PTPN3: variants seen among roughly 807,000 people sequenced by gnomAD.
PTPN3 encodes protein tyrosine phosphatase non-receptor type 3, also known as tyrosine-protein phosphatase non-receptor type 3.
A neutral mutation model predicts 132.7 loss-of-function variants in PTPN3; 96 were observed. The ratio of observed to expected loss-of-function variants is 0.72; its 90% confidence interval spans 0.61 to 0.86. The LOEUF (loss-of-function observed/expected upper bound fraction) is 0.86. Ranked by LOEUF, PTPN3 falls within the 40% of genes least tolerant of loss-of-function variation. The probability of loss-of-function intolerance (pLI) is 0.00; values close to 1 mark genes in which losing one functional copy is unlikely to be tolerated. For synonymous variants in PTPN3, 398 were observed against 429.0 expected (o/e 0.93, Z 0.89); for missense variants, 1,125 against 1,159.6 (o/e 0.97, Z 0.43).
chr9:109,506,261 G>A, the PTPN3 span, among the ~76,000 whole-genome samples: 1 of 152,152 alleles, frequency 6.6e-6, no homozygotes, highest in Non-Finnish European at 1.5e-5. Context: ...GCAGTAATAG[G>A]GATAGTAGTG....
chr9:109,493,479 GC>G (rs1847547925), intron 1 of PTPN3, among the ~76,000 whole-genome samples: 1 of 152,200 alleles, frequency 6.6e-6, no homozygotes, highest in African/African-American at 2.4e-5. Context: ...TTTACTAAAA[GC>G]TTGTGTATCC....
upstream of PTPN3, among the ~76,000 whole-genome samples, chr9:109,502,134 C>T (rs887288504): frequency 5.3e-5 from 8 of 152,190 alleles, no homozygotes; most frequent in African/African-American, 1.9e-4. Flanking sequence ...AAGAGATGAA[C>T]ATCTAAACAT....
chr9:109,442,392 T>C (rs1289653781), intron 7 of PTPN3, among the ~76,000 whole-genome samples: 1 of 152,140 alleles, frequency 6.6e-6, no homozygotes, highest in Non-Finnish European at 1.5e-5. Flanking sequence ...ATATATATAT[T>C]TATTGAGGGT....
Position 109,438,063 on chromosome 9 carries a change from T to C in PTPN3, c.587+51A>G, listed in dbSNP as rs543572886. 8 of 1,563,984 alleles carry C rather than the reference T, an allele frequency of 5.1e-6. No homozygotes were observed. In the Admixed American group the frequency reaches 1.6e-4, roughly 30 times the overall value. On this transcript the variant is annotated intron_variant, in intron 8 of 25. Transcript: ENST00000374541. ...ATCAAACACAAAGGGATATGATGTC[T>C]GAAAATACCCAACCCAAGTCCCCAA... is the stretch of plus-strand genomic sequence containing the variant.
chr9:109,385,153 C>G (rs772895828), intron 22 of PTPN3, among the ~76,000 whole-genome samples: 12 of 152,208 alleles, frequency 7.9e-5, no homozygotes, highest in Non-Finnish European at 1.5e-4. Flanking sequence ...CACAGTGAAT[C>G]TGAGCAGTAC....
chr9:109,433,919 A>AC (rs1564437129), intron 9 of PTPN3, among the ~76,000 whole-genome samples: 3 of 59,828 alleles, frequency 5.0e-5, no homozygotes, highest in African/African-American at 3.5e-4. Context: ...CTCTGTTTAA[A>AC]AAAAAAAAAA....
chr9:109,520,222 T>G, the PTPN3 span, among the ~76,000 whole-genome samples: 2 of 151,994 alleles, frequency 1.3e-5, no homozygotes, highest in South Asian at 4.2e-4. Flanking sequence ...TACCTAGATT[T>G]ATCTAGAGCC....
At position 109,457,213 on chromosome 9, in the gene PTPN3, T is replaced by C; in HGVS notation, c.249A>G (p.Arg83=). The change falls in exon 4 of 26, where the codon AGA becomes AGG. Residue 83 remains arginine, a splice_region_variant and synonymous_variant. Coordinates refer to ENST00000374541, the MANE Select transcript of PTPN3 (RefSeq NM_002829.4). ...QHDDDSVDSP[R]WLEASKAIRK... ...TGATGGCTTTGCTTGCTTCCAGCCA[T>C]CTCTGTTGGACAAGAAAACATAAAA... 1 of 1,614,000 alleles carries C rather than the reference T, an allele frequency of 6.2e-7. No homozygotes were observed. Among genetic ancestry groups the C allele is most frequent in the Non-Finnish European group, 8.5e-7 (1 of 1,179,926 alleles).
At chr9:109,523,945 C>T in the PTPN3 span, among the ~76,000 whole-genome samples, 2 of 152,040 alleles carry the variant, frequency 1.3e-5, no homozygotes, top group Non-Finnish European at 2.9e-5. Flanking sequence ...CTACTTGGTC[C>T]AATGACAATA....
At chr9:109,535,397 C>T in the PTPN3 span, among the ~76,000 whole-genome samples, 1 of 152,242 alleles carries the variant, frequency 6.6e-6, no homozygotes, top group Non-Finnish European at 1.5e-5. Flanking sequence ...AAAATCCTTA[C>T]TAGCTCTCCC....
At chr9:109,463,517 T>A in intron 1 of PTPN3, 66 bp from the exon 2 acceptor site, 1 of 1,444,524 alleles carries the variant, frequency 6.9e-7, no homozygotes, top group Non-Finnish European at 9.5e-7. Flanking sequence ...TGAGTGCAGA[T>A]ACCTGTCAGA....
At chr9:109,536,292 A>C in the PTPN3 span, among the ~76,000 whole-genome samples, 1 of 152,076 alleles carries the variant, frequency 6.6e-6, no homozygotes, top group Non-Finnish European at 1.5e-5. Context: ...GGTTGTTTCT[A>C]CCTTTTAGCC....
chr9:109,453,155 G>GGGA (rs1273117389), intron 5 of PTPN3, among the ~76,000 whole-genome samples: 1 of 152,148 alleles, frequency 6.6e-6, no homozygotes, highest in East Asian at 1.9e-4. Context: ...CTATAGTAGA[G>GGGA]GGAGGAGGTG....
intron 22 of PTPN3, among the ~76,000 whole-genome samples, chr9:109,387,161 T>C (rs541615744): frequency 1.2e-4 from 19 of 152,238 alleles, no homozygotes; most frequent in Non-Finnish European, 2.1e-4. Flanking sequence ...AGGCACCTTG[T>C]ATGTGAGGAC....
chr9:109,445,654 C>T (rs1416799525), intron 6 of PTPN3, among the ~76,000 whole-genome samples: 3 of 152,134 alleles, frequency 2.0e-5, no homozygotes, highest in Admixed American at 2.0e-4. Context: ...GCCTTTAAAT[C>T]TTTCTAGTAA....
chr9:109,445,808 T>C (rs1844816875), intron 6 of PTPN3, among the ~76,000 whole-genome samples: 1 of 152,216 alleles, frequency 6.6e-6, no homozygotes, highest in African/African-American at 2.4e-5. Context: ...AAACCTGCAA[T>C]TCCTTAATTA....
chr9:109,449,846 G>T (rs956455010), intron 5 of PTPN3: 2 of 985,156 alleles, frequency 2.0e-6, no homozygotes, highest in African/African-American at 3.5e-5. Context: ...ATTTATAAAG[G>T]CCAAGGAACT....
intron 1 of PTPN3, among the ~76,000 whole-genome samples, chr9:109,485,136 G>T (rs536223020): frequency 6.6e-6 from 1 of 152,268 alleles, no homozygotes; most frequent in African/African-American, 2.4e-5. Context: ...GGCTGAGGTG[G>T]GCAGATCGCT....
At chr9:109,426,280 A>AAAATTTATATATTATATATATTTATACAT (rs1843274830) in intron 12 of PTPN3, among the ~76,000 whole-genome samples, 1 of 148,692 alleles carries the variant, frequency 6.7e-6, no homozygotes, top group Admixed American at 6.7e-5. Flanking sequence ...TTAGAATTTA[A>AAAATTTATATATTATATATATTTATACAT]AAATTTATAT....
Sources: allele counts gnomAD v4.1 joint callset (sites outside exome capture counted in the v4.1 genomes callset), GRCh38; gene constraint gnomAD v4.1.1; transcripts MANE v1.5; gene names NCBI Gene and HGNC (gene_info 2026-07-23, HGNC 2026-07-21).